The following ZBTB40 variants were observed in gnomAD, a reference collection of about 807,000 sequenced individuals.
The protein encoded by ZBTB40 is zinc finger and BTB domain-containing protein 40.
ZBTB40 carries 60 observed loss-of-function variants against 117.5 expected under a neutral mutation model. The observed-to-expected ratio is 0.51, with a 90% CI of 0.41 to 0.63. The LOEUF (loss-of-function observed/expected upper bound fraction) is 0.63, where lower values mean the gene tolerates loss of function less well. Among genes scored for constraint, ZBTB40 ranks in the 30% least tolerant of loss-of-function variants. The pLI, the probability that ZBTB40 is intolerant of heterozygous loss-of-function variation, is 0.00. For missense variants in ZBTB40, 1,287 were observed against 1,498.5 expected (o/e 0.86, Z 2.33); for synonymous variants, 525 against 577.1 (o/e 0.91, Z 1.29).
intron 1 of ZBTB40, among the ~76,000 whole-genome samples, chr1:22,474,960 G>A (rs1267003): frequency 0.028 from 3,267 of 118,190 alleles, 143 homozygotes; most frequent in African/African-American, 0.091. Flanking sequence ...AAAAAAAACA[G>A]GTAAGCTTGC....
chr1:22,442,733 G>T (rs1023878098), intron 1 of ZBTB40, among the ~76,000 whole-genome samples: 1 of 152,176 alleles, frequency 6.6e-6, no homozygotes, highest in Non-Finnish European at 1.5e-5. Flanking sequence ...TTGGGTGGAG[G>T]TGGGGAGTCC....
Position 22,490,204 on chromosome 1 carries a change from G to A in ZBTB40, c.256G>A (p.Gly86Ser). 4 of 1,614,158 alleles carry A rather than the reference G, an allele frequency of 2.5e-6. No homozygotes were observed. The highest frequency in any genetic ancestry group is 3.4e-6 in the Non-Finnish European group (4 of 1,180,032). Residue 86 changes from glycine to serine, a missense_variant, in exon 2 of 18, where the codon GGC becomes AGC. Coordinates refer to ENST00000375647, the MANE Select transcript of ZBTB40 (RefSeq NM_014870.4). ...EMMYTGKLPV[G>S]KHNFSKIISL... Reference sequence around the variant, plus strand: ...GATGTACACGGGCAAACTACCTGTGGGCAAGCACAACTTCTCCAAAATCAT... The same window carrying A: ...GATGTACACGGGCAAACTACCTGTGAGCAAGCACAACTTCTCCAAAATCAT...
intron 6 of ZBTB40, among the ~76,000 whole-genome samples, chr1:22,507,257 T>A (rs1639097128): frequency 6.6e-6 from 1 of 152,194 alleles, no homozygotes; most frequent in Non-Finnish European, 1.5e-5. Flanking sequence ...CCTATCACAT[T>A]CGTTTTTGTG....
At position 22,506,156 on chromosome 1, in the gene ZBTB40, C is replaced by T. The variant is rs1268397915; in HGVS notation, c.1275C>T (p.Leu425=). Residue 425 remains leucine (L), a synonymous_variant, in exon 6 of 18, where the codon CTC becomes CTT. Transcript: ENST00000375647. ...TGACTGCTGAGGGTTTGGTAAAACT[C>T]CTCCAGGCTGTGAAGACGACTTTCC... ...KTLTAEGLVK[L]LQAVKTTFPN... The T allele has an allele frequency of 1.2e-6, 2 of 1,614,128 alleles. No individual in the cohort carries two copies. Among genetic ancestry groups the T allele is most frequent in the South Asian group, 1.1e-5 (1 of 91,074 alleles).
At chr1:22,525,761 G>A (rs1434543885) in intron 17 of ZBTB40, among the ~76,000 whole-genome samples, 1 of 152,224 alleles carries the variant, frequency 6.6e-6, no homozygotes, top group Admixed American at 6.5e-5. Context: ...GCCTGCGAGA[G>A]GTCCAGAGAG....
chr1:22,523,578 G>A (rs1469702443), intron 16 of ZBTB40, among the ~76,000 whole-genome samples: 1 of 152,212 alleles, frequency 6.6e-6, no homozygotes, highest in African/African-American at 2.4e-5. Context: ...AAGGCCATTC[G>A]TTTTGGTCTC....
At chr1:22,517,573 A>G in intron 13 of ZBTB40, 109 bp downstream of exon 13, 3 of 1,355,418 alleles carry the variant, frequency 2.2e-6, no homozygotes, top group Non-Finnish European at 3.0e-6. Flanking sequence ...CATTCAGTGC[A>G]TTCCCCTTAC....
At chr1:22,452,199 C>T (rs1266936890) in intron 1 of ZBTB40, among the ~76,000 whole-genome samples, 195 bp downstream of exon 1, 3 of 152,170 alleles carry the variant, frequency 2.0e-5, no homozygotes, top group Non-Finnish European at 2.9e-5. Flanking sequence ...GGCGCCGGCT[C>T]TGCTGTAGAC....
intron 1 of ZBTB40, among the ~76,000 whole-genome samples, chr1:22,485,946 T>C (rs1638454659): frequency 6.6e-6 from 1 of 152,106 alleles, no homozygotes; most frequent in Non-Finnish European, 1.5e-5. Context: ...TATTCTTACA[T>C]GTTTTGTACT....
chr1:22,462,853 C>A (rs4268328), intron 1 of ZBTB40, among the ~76,000 whole-genome samples: 42,358 of 152,094 alleles, frequency 0.28, 7,158 homozygotes, highest in Non-Finnish European at 0.38. Context: ...TCTATGAATT[C>A]TTTTCTTTTA....
intron 1 of ZBTB40, among the ~76,000 whole-genome samples, chr1:22,476,499 C>T (rs559722106): frequency 2.6e-5 from 4 of 152,172 alleles, no homozygotes; most frequent in Non-Finnish European, 5.9e-5. Context: ...GGATTACAGG[C>T]GTGAGCCACC....
chr1:22,485,390 A>G lies in ZBTB40; in HGVS notation c.-69-4490A>G, dbSNP rs1638438405. ...TTTGACAGATTGCATCGTTCAAGGA[A>G]TTGGATCATTTTATTTAGGTTATAT... On this transcript the variant is annotated intron_variant, in intron 1 of 17. Coordinates refer to ENST00000375647, the MANE Select transcript of ZBTB40 (RefSeq NM_014870.4). 2.0e-5 allele frequency among the ~76,000 whole-genome samples: 3 copies of G among 152,286 alleles called. No homozygotes were observed. In the South Asian group the frequency reaches 6.2e-4, roughly 32 times the overall value.
intron 8 of ZBTB40, 149 bp from the exon 9 acceptor site, chr1:22,508,951 A>C (rs890299077): frequency 8.2e-7 from 1 of 1,217,156 alleles, no homozygotes; most frequent in Non-Finnish European, 1.2e-6. Context: ...CTCTGATTAC[A>C]GTGCTATTTG....
intron 2 of ZBTB40, 141 bp downstream of exon 2, chr1:22,490,786 T>A: frequency 1.1e-6 from 1 of 924,546 alleles, no homozygotes; most frequent in Non-Finnish European, 1.7e-6. Flanking sequence ...GCCATTCTTT[T>A]AAAAGTGTCT....
At chr1:22,431,362 TTGTG>T (rs1179435023) in intron 1 of ZBTB40, among the ~76,000 whole-genome samples, 4 of 112,848 alleles carry the variant, frequency 3.5e-5, no homozygotes, top group African/African-American at 1.3e-4. Context: ...CATATATATT[TTGTG>T]TGTGTGTGTG....
chr1:22,457,046 T>C (rs1412777198), intron 1 of ZBTB40, among the ~76,000 whole-genome samples: 1 of 151,966 alleles, frequency 6.6e-6, no homozygotes, highest in Non-Finnish European at 1.5e-5. Flanking sequence ...GGCAGGAGGA[T>C]CACTTATGCA....
At chr1:22,486,703 T>G (rs1638478622) in intron 1 of ZBTB40, among the ~76,000 whole-genome samples, 1 of 136,314 alleles carries the variant, frequency 7.3e-6, no homozygotes, top group South Asian at 2.5e-4. Flanking sequence ...ACAGAGGCGT[T>G]TGTTCATACA....
chr1:22,491,775 A>T (rs1379294269), intron 3 of ZBTB40, among the ~76,000 whole-genome samples: 1 of 152,168 alleles, frequency 6.6e-6, no homozygotes, highest in Non-Finnish European at 1.5e-5. Flanking sequence ...GTTTTGATCC[A>T]GAATACTTAA....
chr1:22,511,665 C>G lies in ZBTB40; in HGVS notation c.2003-11C>G, dbSNP rs768711094. 2 of 1,610,860 alleles carry G rather than the reference C, an allele frequency of 1.2e-6. No homozygotes were observed. Among genetic ancestry groups the G allele is most frequent in the South Asian group, 1.1e-5 (1 of 90,148 alleles). On this transcript the variant is annotated splice_polypyrimidine_tract_variant and intron_variant, in intron 10 of 17. Transcript: ENST00000375647. Reference sequence around the variant, plus strand: ...GAGTTCGCAGAGCCACGAGATGTCTCTTTTATGCAGGTGTCCTTACTAAGG... The same window carrying G: ...GAGTTCGCAGAGCCACGAGATGTCTGTTTTATGCAGGTGTCCTTACTAAGG...
Sources: allele counts gnomAD v4.1 joint callset (sites outside exome capture counted in the v4.1 genomes callset), GRCh38; gene constraint gnomAD v4.1.1; transcripts MANE v1.5; gene names NCBI Gene and HGNC (gene_info 2026-07-23, HGNC 2026-07-21).